The following PLPPR1 variants were observed in gnomAD, a reference collection of about 807,000 sequenced individuals.
The protein encoded by PLPPR1 is phospholipid phosphatase-related protein type 1.
PLPPR1 carries 10 observed loss-of-function variants against 33.1 expected under a neutral mutation model. That is an observed-to-expected ratio of 0.30 (90% CI 0.19 to 0.51). PLPPR1 has a LOEUF of 0.51. Among genes scored for constraint, PLPPR1 ranks in the 20% least tolerant of loss-of-function variants. The probability of loss-of-function intolerance (pLI) is 0.97; values close to 1 mark genes in which losing one functional copy is unlikely to be tolerated. For synonymous variants in PLPPR1, 151 were observed against 151.0 expected (o/e 1.00, Z 0.00); for missense variants, 304 against 408.1 (o/e 0.74, Z 2.20).
intron 6 of PLPPR1, among the ~76,000 whole-genome samples, chr9:101,316,615 G>GAAAAAAAAAAAAAAAAAAAAAAAAAAA (rs1829054260): frequency 1.5e-5 from 1 of 68,816 alleles, no homozygotes; most frequent in Non-Finnish European, 2.8e-5. Flanking sequence ...TTCTTCTTGG[G>GAAAAAAAAAAAAAAAAAAAAAAAAAAA]CAAAAAAAAA....
intron 1 of PLPPR1, among the ~76,000 whole-genome samples, chr9:101,122,816 C>A (rs961347986): frequency 6.6e-6 from 1 of 152,214 alleles, no homozygotes; most frequent in African/African-American, 2.4e-5. Flanking sequence ...GCCAGTCTTT[C>A]TTCTAACACC....
intron 1 of PLPPR1, among the ~76,000 whole-genome samples, chr9:101,092,027 T>G (rs1830747641): frequency 6.6e-6 from 1 of 152,180 alleles, no homozygotes. Flanking sequence ...CATCCCCAGC[T>G]GCTTCTCTTG....
chr9:101,122,521 C>G (rs905957797), intron 1 of PLPPR1, among the ~76,000 whole-genome samples: 1 of 152,138 alleles, frequency 6.6e-6, no homozygotes, highest in Non-Finnish European at 1.5e-5. Context: ...ATCAAAATCT[C>G]TGCAAGCTTT....
chr9:101,262,259 A>C (rs1026610827), intron 2 of PLPPR1, among the ~76,000 whole-genome samples: 1 of 152,160 alleles, frequency 6.6e-6, no homozygotes, highest in African/African-American at 2.4e-5. Context: ...CAGTTTTTCA[A>C]ATGAAGGCAC....
intron 2 of PLPPR1, among the ~76,000 whole-genome samples, chr9:101,215,954 AGTG>A (rs1419379622): frequency 6.6e-6 from 1 of 152,134 alleles, no homozygotes; most frequent in Non-Finnish European, 1.5e-5. Flanking sequence ...TGAACATAGG[AGTG>A]TAGCTATCTC....
intron 2 of PLPPR1, among the ~76,000 whole-genome samples, chr9:101,211,414 C>T (rs2118768041): frequency 1.3e-5 from 2 of 152,296 alleles, no homozygotes; most frequent in East Asian, 3.9e-4. Flanking sequence ...AAACATTTAC[C>T]TGTCTTATCT....
At chr9:101,092,012 G>T (rs538370906) in intron 1 of PLPPR1, among the ~76,000 whole-genome samples, 2 of 152,208 alleles carry the variant, frequency 1.3e-5, no homozygotes, top group South Asian at 4.2e-4. Flanking sequence ...TGTATCCATT[G>T]CTTACATCCC....
intron 6 of PLPPR1, among the ~76,000 whole-genome samples, chr9:101,314,910 GTCA>G (rs1287292842): frequency 1.3e-5 from 2 of 152,182 alleles, no homozygotes; most frequent in Non-Finnish European, 1.5e-5. Flanking sequence ...CAGTGCTGAA[GTCA>G]TCATAAAATC....
intron 2 of PLPPR1, among the ~76,000 whole-genome samples, chr9:101,222,908 C>T (rs1385263492): frequency 1.3e-5 from 2 of 151,536 alleles, no homozygotes; most frequent in Non-Finnish European, 1.5e-5. Context: ...CTAAGTAAAG[C>T]ACCAGGACTT....
chr9:101,189,203 A>G (rs1264996281), intron 2 of PLPPR1, among the ~76,000 whole-genome samples: 1 of 152,102 alleles, frequency 6.6e-6, no homozygotes, highest in South Asian at 2.1e-4. Flanking sequence ...TAAGATATAC[A>G]TTGGTTTGAT....
At chr9:101,151,843 C>T (rs1831591026) in intron 1 of PLPPR1, among the ~76,000 whole-genome samples, 1 of 152,170 alleles carries the variant, frequency 6.6e-6, no homozygotes, top group Non-Finnish European at 1.5e-5. Context: ...GTTTGCCACT[C>T]TTTGTCTAAC....
chr9:101,056,780 T>G (rs1297801036), intron 1 of PLPPR1, among the ~76,000 whole-genome samples: 1 of 152,132 alleles, frequency 6.6e-6, no homozygotes, highest in Admixed American at 6.6e-5. Context: ...GTGGAAGAGC[T>G]GGAGATGCAG....
intron 1 of PLPPR1, among the ~76,000 whole-genome samples, chr9:101,090,131 C>G (rs1830724565): frequency 6.6e-6 from 1 of 152,198 alleles, no homozygotes; most frequent in African/African-American, 2.4e-5. Flanking sequence ...TGTCTCTTCA[C>G]ACTTTCTGCC....
intron 2 of PLPPR1, among the ~76,000 whole-genome samples, chr9:101,199,070 T>C (rs1826447690): frequency 6.6e-6 from 1 of 152,222 alleles, no homozygotes; most frequent in South Asian, 2.1e-4. Context: ...AGATTTTCAC[T>C]ATATACAATA....
intron 1 of PLPPR1, among the ~76,000 whole-genome samples, chr9:101,035,167 C>T (rs1215686906): frequency 6.6e-6 from 1 of 152,148 alleles, no homozygotes; most frequent in Non-Finnish European, 1.5e-5. Flanking sequence ...CTGTAAATAT[C>T]TCAAATGTGA....
rs139377427 is a variant in PLPPR1 at position 101,210,531 on chromosome 9, G to T, written c.63+24974G>T. Among the ~76,000 whole-genome samples the T allele has an allele frequency of 6.0e-3, 913 of 152,132 alleles. 10 individuals are homozygous for T. Among genetic ancestry groups the T allele is most frequent in the African/African-American group, 0.021 (882 of 41,486 alleles). On this transcript the variant is annotated intron_variant, in intron 2 of 7. Transcript: ENST00000374874. ...ATGACAGACTATAAGAGGATTCATAGTCTCCAATCAATTTTTCTTCAAAAT... is the reference window on the plus strand; with the variant it reads ...ATGACAGACTATAAGAGGATTCATATTCTCCAATCAATTTTTCTTCAAAAT...
At chr9:101,193,101 T>C (rs1054536573) in intron 2 of PLPPR1, among the ~76,000 whole-genome samples, 3 of 152,144 alleles carry the variant, frequency 2.0e-5, no homozygotes, top group Non-Finnish European at 2.9e-5. Flanking sequence ...TATTTTGAGA[T>C]ATAGTCCACT....
rs1286475056 is a variant in PLPPR1 at position 101,154,567 on chromosome 9, A to T, written c.-45-30883A>T. Among the ~76,000 whole-genome samples, 3 of 152,220 alleles carry T rather than the reference A, an allele frequency of 2.0e-5. 1 individual carries two copies. In the Middle Eastern group the frequency reaches 0.01, roughly 518 times the overall value. On this transcript the variant is annotated intron_variant, in intron 1 of 7. Transcript: ENST00000374874. Reference sequence around the variant, plus strand: ...GATCAGTGGTGATATCCCCTCAAGTATCTAGAACTAGAAATATCATTTGAC... The same window carrying T: ...GATCAGTGGTGATATCCCCTCAAGTTTCTAGAACTAGAAATATCATTTGAC...
At chr9:101,123,485 G>A (rs138896104) in intron 1 of PLPPR1, among the ~76,000 whole-genome samples, 21 of 152,222 alleles carry the variant, frequency 1.4e-4, no homozygotes, top group East Asian at 5.8e-4. Flanking sequence ...GAAGTCTGGC[G>A]GAGTCAAAGG....
Sources: gnomAD v4.1 joint callset for allele counts (sites outside exome capture counted in the v4.1 genomes callset) on GRCh38, gnomAD v4.1.1 for gene constraint, MANE v1.5 for transcripts, NCBI Gene and HGNC (gene_info 2026-07-23, HGNC 2026-07-21) for gene names.